Variants in SUDS3 observed in about 807,000 individuals in gnomAD.
SUDS3 encodes SIN3A corepressor complex component SDS3.
In SUDS3, 23 loss-of-function variants were observed where a neutral mutation model predicts 53.5. That is an observed-to-expected ratio of 0.43 (90% CI 0.31 to 0.61). The LOEUF is 0.61. Among genes scored for constraint, SUDS3 ranks in the 20% least tolerant of loss-of-function variants. The probability of loss-of-function intolerance (pLI) is 0.10; values close to 1 mark genes in which losing one functional copy is unlikely to be tolerated. For missense variants in SUDS3, 291 were observed against 405.9 expected (o/e 0.72, Z 2.43); for synonymous variants, 150 against 148.5 (o/e 1.01, Z -0.08).
At chr12:118,414,287 T>C in intron 11 of SUDS3, 48 bp from the exon 12 acceptor site, 1 of 1,381,206 alleles carries the variant, frequency 7.2e-7, no homozygotes, top group Non-Finnish European at 1.0e-6. Context: ...GGAGATTTGC[T>C]CTTCTGTATT....
chr12:118,378,283 CT>C (rs370563945), intron 1 of SUDS3, among the ~76,000 whole-genome samples: 27 of 152,204 alleles, frequency 1.8e-4, no homozygotes, highest in African/African-American at 6.5e-4. Context: ...TCAGATTCCC[CT>C]TTTTTATTGT....
intron 10 of SUDS3, among the ~76,000 whole-genome samples, chr12:118,406,297 C>T (rs116140280): frequency 0.01 from 1,526 of 152,146 alleles, 17 homozygotes; most frequent in African/African-American, 0.035. Context: ...AGCCTTCGGT[C>T]GACACAAAAG....
chr12:118,386,927 T>C (rs2046120029), intron 4 of SUDS3, among the ~76,000 whole-genome samples: 1 of 152,214 alleles, frequency 6.6e-6, no homozygotes, highest in Admixed American at 6.5e-5. Context: ...TTTTTAACGC[T>C]CATCATCAGC....
At chr12:118,389,033 T>C (rs2046140867) in intron 4 of SUDS3, among the ~76,000 whole-genome samples, 2 of 152,008 alleles carry the variant, frequency 1.3e-5, no homozygotes, top group South Asian at 2.1e-4. Flanking sequence ...CCTTTAATCC[T>C]AGCTACTTGG....
intron 6 of SUDS3, among the ~76,000 whole-genome samples, chr12:118,396,279 G>A (rs943408814): frequency 3.9e-5 from 6 of 152,010 alleles, no homozygotes; most frequent in Admixed American, 1.3e-4. Context: ...TTTTTGAGAC[G>A]GGGTCTTGCT....
At chr12:118,402,125 G>T in intron 9 of SUDS3, 121 bp downstream of exon 9, 1 of 1,157,792 alleles carries the variant, frequency 8.6e-7, no homozygotes, top group South Asian at 1.3e-5. Context: ...ATTTGCCTAA[G>T]AGTAGTCATC....
chr12:118,380,998 C>T (rs1025898468), intron 2 of SUDS3, among the ~76,000 whole-genome samples: 9 of 152,086 alleles, frequency 5.9e-5, no homozygotes, highest in African/African-American at 1.7e-4. Context: ...CCACTGCGCC[C>T]GGACCTTTTT....
At chr12:118,397,490 G>A (rs912209795) in intron 6 of SUDS3, among the ~76,000 whole-genome samples, 1 of 152,178 alleles carries the variant, frequency 6.6e-6, no homozygotes, top group Non-Finnish European at 1.5e-5. Flanking sequence ...GGTGACTTAA[G>A]TGGATAATCT....
intron 4 of SUDS3, 43 bp from the exon 5 acceptor site, chr12:118,389,883 TG>T: frequency 6.2e-7 from 1 of 1,613,394 alleles, no homozygotes; most frequent in Non-Finnish European, 8.5e-7. Context: ...TCTAGAAAGG[TG>T]GCACAGCCTA....
intron 6 of SUDS3, among the ~76,000 whole-genome samples, chr12:118,394,102 A>C (rs553332268): frequency 1.3e-5 from 2 of 152,212 alleles, no homozygotes; most frequent in African/African-American, 4.8e-5. Flanking sequence ...CAAGCATTAC[A>C]TAAATATATT....
At chr12:118,380,355 A>G in intron 2 of SUDS3, 124 bp downstream of exon 2, 2 of 803,628 alleles carry the variant, frequency 2.5e-6, no homozygotes, top group East Asian at 2.7e-5. Flanking sequence ...TGCCAGCATG[A>G]TGCTCAAAGG....
intron 5 of SUDS3, 144 bp from the exon 6 acceptor site, chr12:118,390,982 T>C: frequency 1.1e-6 from 1 of 943,042 alleles, no homozygotes; most frequent in Non-Finnish European, 1.7e-6. Flanking sequence ...GCTGGAAAGC[T>C]TGTTCTCAGA....
At chr12:118,411,520 C>G (rs1458026740) in intron 11 of SUDS3, among the ~76,000 whole-genome samples, 1 of 151,418 alleles carries the variant, frequency 6.6e-6, no homozygotes, top group African/African-American at 2.4e-5. Context: ...TTTTTTGAGA[C>G]AGAGTCTCAC....
At chr12:118,405,789 A>C (rs1217328491) in intron 10 of SUDS3, among the ~76,000 whole-genome samples, 1 of 152,168 alleles carries the variant, frequency 6.6e-6, no homozygotes, top group Non-Finnish European at 1.5e-5. Flanking sequence ...CCATCTCACC[A>C]GGCTCATGTT....
Position 118,386,203 on chromosome 12 carries a change from G to GAAT in SUDS3, c.340+18_340+19insAAT, listed in dbSNP as rs2046113225. Reference sequence around the variant, plus strand: ...GAATGCAGGTAAGGCTCCTTTAAATGGCAATGAATCATCTTTCAATGTTTG... The same window carrying GAAT: ...GAATGCAGGTAAGGCTCCTTTAAATGAATGCAATGAATCATCTTTCAATGTTTG... On this transcript the variant is annotated intron_variant, in intron 4 of 11. Coordinates refer to ENST00000543473, the MANE Select transcript of SUDS3 (RefSeq NM_022491.3). The GAAT allele has an allele frequency of 6.4e-7, 1 of 1,573,850 alleles. No individual in the cohort carries two copies. The highest frequency in any genetic ancestry group is 1.8e-5 in the Admixed American group (1 of 55,754).
chr12:118,409,195 T>C (rs540732199), intron 10 of SUDS3, among the ~76,000 whole-genome samples: 3 of 151,908 alleles, frequency 2.0e-5, no homozygotes, highest in Non-Finnish European at 4.4e-5. Flanking sequence ...TTGCTCAGGC[T>C]GGAGTGCAGT....
chr12:118,397,922 A>G lies in SUDS3; in HGVS notation c.518-2737A>G, dbSNP rs145720125. Among the ~76,000 whole-genome samples, 505 of 152,294 alleles carry G rather than the reference A, an allele frequency of 3.3e-3. 8 individuals are homozygous for G. The highest frequency in any genetic ancestry group is 4.6e-3 in the Non-Finnish European group (314 of 68,022). ...CACTCAGCCACTCTCTTTGGCAGACAGAACATTCCATAATGTTCATGGGCT... is the reference window on the plus strand; with the variant it reads ...CACTCAGCCACTCTCTTTGGCAGACGGAACATTCCATAATGTTCATGGGCT... On this transcript the variant is annotated intron_variant, in intron 6 of 11. Coordinates refer to ENST00000543473, the MANE Select transcript of SUDS3 (RefSeq NM_022491.3).
At chr12:118,393,471 C>T (rs989728752) in intron 6 of SUDS3, among the ~76,000 whole-genome samples, 5 of 152,016 alleles carry the variant, frequency 3.3e-5, no homozygotes, top group African/African-American at 7.2e-5. Context: ...TACTGTTCAC[C>T]GCCCAAACCT....
At chr12:118,384,692 G>A (rs1454993501) in intron 3 of SUDS3, among the ~76,000 whole-genome samples, 1 of 152,188 alleles carries the variant, frequency 6.6e-6, no homozygotes, top group African/African-American at 2.4e-5. Context: ...AATTAGCTGG[G>A]CGTTGTAGTG....
Sources: gnomAD v4.1 joint callset for allele counts (sites outside exome capture counted in the v4.1 genomes callset) on GRCh38, gnomAD v4.1.1 for gene constraint, MANE v1.5 for transcripts, NCBI Gene and HGNC (gene_info 2026-07-23, HGNC 2026-07-21) for gene names.